ERC2: variants seen among roughly 807,000 people sequenced by gnomAD.
ERC2 encodes the protein ERC protein 2.
Under a neutral mutation model 114.8 loss-of-function variants are expected in ERC2, and 42 were observed. That is an observed-to-expected ratio of 0.37 (90% CI 0.29 to 0.47). ERC2 has a LOEUF of 0.47. Ranked by LOEUF, ERC2 falls within the 20% of genes least tolerant of loss-of-function variation. ERC2 has a pLI of 0.99. For missense variants in ERC2, 939 were observed against 1,150.7 expected, an observed-to-expected ratio of 0.82 and a Z score of 2.66; for synonymous variants, 454 against 425.5, an observed-to-expected ratio of 1.07 and a Z score of -0.82.
intron 13 of ERC2, among the ~76,000 whole-genome samples, chr3:55,894,176 T>C (rs929806198): frequency 3.3e-5 from 5 of 152,052 alleles, no homozygotes; most frequent in South Asian, 2.1e-4. Context: ...AAAAATAAAA[T>C]AGTATTTACA....
At chr3:56,273,935 T>C (rs1291711854) in intron 3 of ERC2, among the ~76,000 whole-genome samples, 3 of 152,260 alleles carry the variant, frequency 2.0e-5, no homozygotes, top group Admixed American at 1.3e-4. Context: ...TACACAATTC[T>C]GTACACTGAC....
chr3:56,267,766 G>A (rs188248122), intron 3 of ERC2, among the ~76,000 whole-genome samples: 34 of 152,138 alleles, frequency 2.2e-4, no homozygotes, highest in South Asian at 4.1e-4. Context: ...GCAAAAGAGC[G>A]GAACTCCATC....
At chr3:56,177,736 A>G (rs185432797) in intron 3 of ERC2, among the ~76,000 whole-genome samples, 2 of 152,268 alleles carry the variant, frequency 1.3e-5, no homozygotes, top group East Asian at 3.9e-4. Context: ...CCAGCCTGAG[A>G]CTTTGGGTAT....
intron 6 of ERC2, among the ~76,000 whole-genome samples, chr3:56,125,506 G>A (rs1265735939): frequency 2.0e-5 from 3 of 152,166 alleles, no homozygotes; most frequent in Non-Finnish European, 4.4e-5. Flanking sequence ...ACTAAATGGA[G>A]TGAGTCATCA....
At chr3:55,777,902 A>G (rs2068744982) in intron 14 of ERC2, among the ~76,000 whole-genome samples, 1 of 152,210 alleles carries the variant, frequency 6.6e-6, no homozygotes, top group Non-Finnish European at 1.5e-5. Context: ...CAATGAGGCA[A>G]TTCTAAAAAA....
At chr3:55,752,501 T>C (rs1036223897) in intron 14 of ERC2, among the ~76,000 whole-genome samples, 1 of 152,184 alleles carries the variant, frequency 6.6e-6, no homozygotes, top group African/African-American at 2.4e-5. Context: ...AATTGAACAG[T>C]TTTGCCAAGA....
intron 13 of ERC2, among the ~76,000 whole-genome samples, chr3:55,908,141 C>T (rs1314164640): frequency 6.6e-6 from 1 of 152,176 alleles, no homozygotes; most frequent in Non-Finnish European, 1.5e-5. Context: ...TGCTAATTTC[C>T]ACCATGTAAA....
In ERC2 at chr3:55,555,657, A is replaced by G. The variant is rs141801093; in HGVS notation, c.*40-44381T>C. 1.8e-3 allele frequency among the ~76,000 whole-genome samples: 271 copies of G among 152,346 alleles called. 1 individual carries two copies. Among genetic ancestry groups the G allele is most frequent in the Middle Eastern group, 0.017 (5 of 294 alleles). ...TTAAACTTTCTGTCTTGGGTTCTTC[A>G]AGAATCATTGCCACAGTTAAGTGAG... On this transcript the variant is annotated intron_variant, in intron 17 of 17. Coordinates refer to ENST00000288221, the MANE Select transcript of ERC2 (RefSeq NM_015576.3).
chr3:55,787,832 A>C (rs1364581309), intron 14 of ERC2, among the ~76,000 whole-genome samples: 1 of 152,182 alleles, frequency 6.6e-6, no homozygotes, highest in East Asian at 1.9e-4. Flanking sequence ...AGCCCAAAGA[A>C]GTGGCATCCT....
intron 2 of ERC2, among the ~76,000 whole-genome samples, chr3:56,432,502 T>C (rs72875337): frequency 0.039 from 5,997 of 152,174 alleles, 293 homozygotes; most frequent in African/African-American, 0.11. Context: ...CATTTTAGAG[T>C]GAAGAACAAA....
intron 3 of ERC2, among the ~76,000 whole-genome samples, chr3:56,198,077 G>A (rs2048208800): frequency 6.6e-6 from 1 of 152,168 alleles, no homozygotes; most frequent in Admixed American, 6.5e-5. Context: ...CCAACAAAAA[G>A]AGGCCAGAGG....
chr3:56,087,685 G>A (rs1314448080), intron 6 of ERC2, among the ~76,000 whole-genome samples: 1 of 152,086 alleles, frequency 6.6e-6, no homozygotes, highest in African/African-American at 2.4e-5. Flanking sequence ...TTCAAGAATT[G>A]AATAAACAGG....
At chr3:56,018,374 A>T (rs961165442) in intron 8 of ERC2, among the ~76,000 whole-genome samples, 6 of 152,200 alleles carry the variant, frequency 3.9e-5, no homozygotes, top group Non-Finnish European at 5.9e-5. Context: ...TCAGAAGAGG[A>T]GGAATTAAAT....
intron 8 of ERC2, 25 bp downstream of exon 8, chr3:56,018,869 C>T: frequency 1.2e-6 from 2 of 1,604,094 alleles, no homozygotes; most frequent in Non-Finnish European, 1.7e-6. Context: ...TATCCTGATT[C>T]CCCAGTTTTT....
At chr3:55,829,800 C>A (rs777800653) in intron 14 of ERC2, among the ~76,000 whole-genome samples, 17 of 152,124 alleles carry the variant, frequency 1.1e-4, no homozygotes. Flanking sequence ...ACTGAGATTA[C>A]AGGTATAATA....
intron 2 of ERC2, among the ~76,000 whole-genome samples, chr3:56,363,532 G>C (rs1175886909): frequency 6.6e-6 from 1 of 152,176 alleles, no homozygotes; most frequent in Non-Finnish European, 1.5e-5. Flanking sequence ...AAATAGGGCA[G>C]TGACACAGCA....
At chr3:56,261,209 A>G (rs1421972744) in intron 3 of ERC2, among the ~76,000 whole-genome samples, 1 of 152,172 alleles carries the variant, frequency 6.6e-6, no homozygotes, top group Non-Finnish European at 1.5e-5. Flanking sequence ...CTTAAACACA[A>G]CTAATCCAGG....
chr3:55,519,999 G>A (rs1202906607), intron 17 of ERC2, among the ~76,000 whole-genome samples: 3 of 151,342 alleles, frequency 2.0e-5, no homozygotes, highest in Non-Finnish European at 4.4e-5. Flanking sequence ...AGGCTGCAGT[G>A]AGCCATGATT....
intron 13 of ERC2, among the ~76,000 whole-genome samples, chr3:55,948,563 C>G (rs943231739): frequency 6.6e-6 from 1 of 152,202 alleles, no homozygotes; most frequent in African/African-American, 2.4e-5. Context: ...ATCGTGATTA[C>G]TTTTTATTGC....
Sources: gnomAD v4.1 joint callset for allele counts (sites outside exome capture counted in the v4.1 genomes callset) on GRCh38, gnomAD v4.1.1 for gene constraint, MANE v1.5 for transcripts, NCBI Gene and HGNC (gene_info 2026-07-23, HGNC 2026-07-21) for gene names.